The following DENND5A variants were observed in gnomAD, a reference collection of about 807,000 sequenced individuals.
DENND5A encodes the protein DENN domain-containing protein 5A.
Under a neutral mutation model 140.3 loss-of-function variants are expected in DENND5A, and 64 were observed. The ratio of observed to expected loss-of-function variants is 0.46; its 90% confidence interval spans 0.37 to 0.56. The LOEUF is 0.56. Ranked by LOEUF, DENND5A falls within the 20% of genes least tolerant of loss-of-function variation. DENND5A has a pLI of 0.00. For synonymous variants in DENND5A, 605 were observed against 607.7 expected, an observed-to-expected ratio of 1.00 and a Z score of 0.07; for missense variants, 1,292 against 1,593.8, an observed-to-expected ratio of 0.81 and a Z score of 3.22.
chr11:9,243,092 AAAAAAAAAAAAAC>A (rs1385824833), intron 1 of DENND5A, among the ~76,000 whole-genome samples: 4,711 of 146,734 alleles, frequency 0.032, 331 homozygotes, highest in African/African-American at 0.11. Context: ...TGTCTCAAAA[AAAAAAAAAAAAAC>A]AAAAAAAAAA....
intron 8 of DENND5A, 151 bp from the exon 9 acceptor site, chr11:9,170,928 A>G (rs1848352278): frequency 7.6e-7 from 1 of 1,320,382 alleles, no homozygotes; most frequent in Non-Finnish European, 1.0e-6. Flanking sequence ...CTAATAGGAA[A>G]AAACCCATGC....
At chr11:9,170,520 CT>C (rs1046074957) in intron 9 of DENND5A, 106 bp downstream of exon 9, 4 of 1,384,010 alleles carry the variant, frequency 2.9e-6, no homozygotes, top group Non-Finnish European at 4.0e-6. Flanking sequence ...TCCATATCTG[CT>C]TTAGAAAAGT....
intron 1 of DENND5A, among the ~76,000 whole-genome samples, chr11:9,241,882 C>T (rs775281867): frequency 7.9e-5 from 12 of 151,922 alleles, no homozygotes; most frequent in African/African-American, 1.2e-4. Context: ...GGCATGGTGG[C>T]GCATGCCTGT....
chr11:9,182,896 GA>G (rs1848780453), intron 5 of DENND5A, among the ~76,000 whole-genome samples: 1 of 152,140 alleles, frequency 6.6e-6, no homozygotes, highest in Admixed American at 6.5e-5. Flanking sequence ...CAAGTAGCTA[GA>G]AAAGAGGATT....
At chr11:9,253,442 A>C (rs1005335155) in intron 1 of DENND5A, among the ~76,000 whole-genome samples, 20 of 152,110 alleles carry the variant, frequency 1.3e-4, no homozygotes, top group Admixed American at 1.2e-3. Context: ...TCCCTGCCTG[A>C]TGGAGTCAAA....
chr11:9,198,564 T>C (rs1178549271), intron 4 of DENND5A, among the ~76,000 whole-genome samples: 6 of 151,404 alleles, frequency 4.0e-5, no homozygotes, highest in African/African-American at 9.7e-5. Flanking sequence ...TGAGCCGAGA[T>C]TGCGCCACTG....
intron 22 of DENND5A, chr11:9,140,090 TG>T: frequency 7.6e-7 from 1 of 1,314,184 alleles, no homozygotes; most frequent in Non-Finnish European, 1.0e-6. Context: ...CCTCCTCCCC[TG>T]CCTCCCTCGC....
intron 1 of DENND5A, among the ~76,000 whole-genome samples, chr11:9,227,290 C>T (rs1850572619): frequency 6.6e-6 from 1 of 152,106 alleles, no homozygotes; most frequent in Non-Finnish European, 1.5e-5. Context: ...CACATTGAGC[C>T]GTTTTGCTAC....
intron 10 of DENND5A, among the ~76,000 whole-genome samples, chr11:9,168,053 C>T (rs1449435225): frequency 2.0e-5 from 3 of 150,246 alleles, no homozygotes; most frequent in African/African-American, 7.4e-5. Flanking sequence ...AGACTAACCT[C>T]TTTTGTCACC....
chr11:9,160,606 G>A, intron 12 of DENND5A, 107 bp downstream of exon 12: 2 of 951,122 alleles, frequency 2.1e-6, no homozygotes, highest in Non-Finnish European at 3.2e-6. Context: ...AGGGCACTGT[G>A]CACCATTCTT....
chr11:9,232,617 A>T (rs938931889), intron 1 of DENND5A, among the ~76,000 whole-genome samples: 1 of 152,230 alleles, frequency 6.6e-6, no homozygotes, highest in African/African-American at 2.4e-5. Flanking sequence ...CGTGCACTGC[A>T]AGTGGGAATG....
At chr11:9,257,748 C>T (rs1043143272) in intron 1 of DENND5A, among the ~76,000 whole-genome samples, 2 of 151,068 alleles carry the variant, frequency 1.3e-5, no homozygotes, top group Non-Finnish European at 2.9e-5. Context: ...TCCCAAAGTG[C>T]TGGGATTACA....
At chr11:9,230,230 C>CTTTTTT (rs71062817) in intron 1 of DENND5A, among the ~76,000 whole-genome samples, 5 of 52,092 alleles carry the variant, frequency 9.6e-5, no homozygotes, top group East Asian at 6.4e-4. Context: ...AAAACTAATG[C>CTTTTTT]TTTTTTTTTT....
chr11:9,192,980 T>G (rs1011136002), intron 5 of DENND5A, among the ~76,000 whole-genome samples: 1 of 152,214 alleles, frequency 6.6e-6, no homozygotes, highest in African/African-American at 2.4e-5. Flanking sequence ...ATCCCAACAC[T>G]TTGGGAAGCC....
chr11:9,180,666 A>T, intron 6 of DENND5A, 101 bp downstream of exon 6: 3 of 1,121,402 alleles, frequency 2.7e-6, no homozygotes, highest in Non-Finnish European at 3.9e-6. Context: ...CACAAATATG[A>T]GTTGTCCAGA....
chr11:9,148,303 A>C (rs1847498269), intron 15 of DENND5A, among the ~76,000 whole-genome samples: 1 of 152,026 alleles, frequency 6.6e-6, no homozygotes, highest in African/African-American at 2.4e-5. Context: ...GTTAGCAATG[A>C]GACTAAGAAG....
chr11:9,151,785 T>C, intron 13 of DENND5A, among the ~76,000 whole-genome samples: 1 of 152,204 alleles, frequency 6.6e-6, no homozygotes, highest in Non-Finnish European at 1.5e-5. Flanking sequence ...GAGCTCACTT[T>C]GTGATCTTAA....
At chr11:9,261,443 C>G (rs1852193566) in intron 1 of DENND5A, among the ~76,000 whole-genome samples, 1 of 152,040 alleles carries the variant, frequency 6.6e-6, no homozygotes, top group Non-Finnish European at 1.5e-5. Flanking sequence ...ACCCTGGAGA[C>G]TCTCAGGAAG....
Position 9,206,697 on chromosome 11 carries a change from G to A in DENND5A, c.267C>T (p.Pro89=), listed in dbSNP as rs766081940. The stretch of plus-strand genomic sequence containing the variant: ...CCATTCCTACTGCATCTTGGTCAAA[G>A]GGATTCCATTCTACGTTCTCAGGAT... ...ARYPENVEWN[P]FDQDAVGMLC... The change falls in exon 3 of 23, where the codon CCC becomes CCT. Residue 89 remains proline, a synonymous_variant. Transcript: ENST00000328194. 1.9e-6 allele frequency: 3 copies of A among 1,613,086 alleles called. No individual in the cohort carries two copies. Among genetic ancestry groups the A allele is most frequent in the Non-Finnish European group, 2.5e-6 (3 of 1,179,296 alleles).
Sources: allele counts gnomAD v4.1 joint callset (sites outside exome capture counted in the v4.1 genomes callset), GRCh38; gene constraint gnomAD v4.1.1; transcripts MANE v1.5; gene names NCBI Gene and HGNC (gene_info 2026-07-23, HGNC 2026-07-21).